The following PC variants were observed in gnomAD, a reference collection of about 807,000 sequenced individuals.
PC encodes the protein pyruvate carboxylase.
In PC, 46 loss-of-function variants were observed where a neutral mutation model predicts 107.8. That is an observed-to-expected ratio of 0.43 (90% CI 0.34 to 0.55). The LOEUF is 0.55. Ranked by LOEUF, PC falls within the 20% of genes least tolerant of loss-of-function variation. PC has a pLI of 0.04. For missense variants in PC, 1,241 were observed against 1,643.1 expected, an observed-to-expected ratio of 0.76 and a Z score of 4.23; for synonymous variants, 662 against 684.7, an observed-to-expected ratio of 0.97 and a Z score of 0.52.
intron 12 of PC, among the ~76,000 whole-genome samples, chr11:66,853,994 C>T (rs1478213759): frequency 6.6e-6 from 1 of 152,254 alleles, no homozygotes; most frequent in East Asian, 1.9e-4. Context: ...GTTCACCCCT[C>T]GCATAAGTTC....
Position 66,871,271 on chromosome 11 carries a change from T to G in PC, c.487+44A>C, listed in dbSNP as rs1201403747. On this transcript the variant is annotated intron_variant, in intron 6 of 22. Coordinates refer to ENST00000393960, the MANE Select transcript of PC (RefSeq NM_001040716.2). The surrounding 1 kb of genome is among the most constrained non-coding windows in gnomAD (Gnocchi z 7.4). The stretch of plus-strand genomic sequence containing the variant: ...TGCCACCCCTCCCTGCTGGACCCTC[T>G]CCAGGAGCTGCGGGGCCACCCCTTG... 1 of 1,613,910 alleles carries G rather than the reference T, an allele frequency of 6.2e-7. No individual in the cohort carries two copies. The highest frequency in any genetic ancestry group is 2.2e-5 in the East Asian group (1 of 44,882).
At chr11:66,903,825 C>CATTT (rs1412048392) in intron 3 of PC, among the ~76,000 whole-genome samples, 1 of 133,644 alleles carries the variant, frequency 7.5e-6, no homozygotes, top group African/African-American at 2.8e-5. Context: ...CACATATATA[C>CATTT]ATTTTTTTTT....
At chr11:66,929,100 A>G (rs1948786091) in intron 3 of PC, among the ~76,000 whole-genome samples, 1 of 152,160 alleles carries the variant, frequency 6.6e-6, no homozygotes, top group African/African-American at 2.4e-5. Context: ...TTTAAACCAG[A>G]AGAGGCTGAC....
Position 66,852,898 on chromosome 11 carries a change from G to GT in PC, c.1514-63dup, listed in dbSNP as rs1454690174. On this transcript the variant is annotated intron_variant, in intron 13 of 22. Coordinates refer to ENST00000393960, the MANE Select transcript of PC (RefSeq NM_001040716.2). The surrounding 1 kb of genome is among the most constrained non-coding windows in gnomAD (Gnocchi z 4.7). ...GGCAGAGGCTGAGTCGAGGGCAGCA[G>GT]TGAGAGTGGCTGGGCTCAGGGACAG... is the stretch of plus-strand genomic sequence containing the variant. 1.8e-5 allele frequency: 22 copies of GT among 1,255,006 alleles called. No homozygotes were observed. Among genetic ancestry groups the GT allele is most frequent in the African/African-American group, 3.0e-5 (2 of 67,078 alleles). 77.7% of individuals were successfully genotyped at this position (1,255,006 alleles called of 1,614,324 possible). A position where few individuals can be genotyped will look rare whatever the true frequency, so the allele number is the denominator to read the frequency against.
intron 3 of PC, among the ~76,000 whole-genome samples, chr11:66,901,173 G>A (rs1947943939): frequency 6.6e-6 from 1 of 152,156 alleles, no homozygotes; most frequent in Non-Finnish European, 1.5e-5. Flanking sequence ...CTACCTGGTT[G>A]GCGGCCTCCC....
chr11:66,904,345 CA>C (rs1206342333), intron 3 of PC, among the ~76,000 whole-genome samples: 1 of 152,094 alleles, frequency 6.6e-6, no homozygotes, highest in Non-Finnish European at 1.5e-5. Context: ...CCTCAAGAGA[CA>C]AGCATTCTAA....
chr11:66,870,570 G>A lies in PC; in HGVS notation c.752-117C>T. 7.0e-6 allele frequency: 9 copies of A among 1,282,182 alleles called. No individual in the cohort carries two copies. The highest frequency in any genetic ancestry group is 4.9e-5 in the South Asian group (4 of 82,098). The allele number at this position is 1,282,182 out of a possible 1,614,324, so 79.4% of individuals were successfully genotyped here. On this transcript the variant is annotated intron_variant, in intron 8 of 22. Transcript: ENST00000393960. This position sits in a 1 kb window ranked among gnomAD's most constrained non-coding sequence, Gnocchi z 6.1. Reference sequence around the variant, plus strand: ...CAGTGCCGGCTGCCAGCGGTACAGAGGCTGCCAGGAGAGACACCAGCATCA... The same window carrying A: ...CAGTGCCGGCTGCCAGCGGTACAGAAGCTGCCAGGAGAGACACCAGCATCA...
At chr11:66,910,419 A>G (rs1373568224) in intron 3 of PC, among the ~76,000 whole-genome samples, 1 of 152,194 alleles carries the variant, frequency 6.6e-6, no homozygotes, top group Non-Finnish European at 1.5e-5. Context: ...ATCTAGCCAC[A>G]CATACATTGA....
In PC at chr11:66,946,804, T is replaced by G. The variant is rs1024282995; in HGVS notation, c.-1+5626A>C. 2.0e-5 allele frequency among the ~76,000 whole-genome samples: 3 copies of G among 152,060 alleles called. No homozygotes were observed. In the South Asian group the frequency reaches 6.2e-4, roughly 32 times the overall value. ...ACCCTGTCTCAAAACAAAAAACATG[T>G]AACTGAGTAGTTAGTTTAGACGTGT... is the stretch of plus-strand genomic sequence containing the variant. On this transcript the variant is annotated intron_variant, in intron 3 of 22. Transcript: ENST00000393960.
At chr11:66,869,178 G>T (rs1399515109) in intron 9 of PC, among the ~76,000 whole-genome samples, 2 of 152,112 alleles carry the variant, frequency 1.3e-5, no homozygotes, top group Non-Finnish European at 2.9e-5. Context: ...AGGCTCCAGG[G>T]TTCCCGGAGC....
chr11:66,957,109 A>G (rs1949580575), intron 1 of PC, among the ~76,000 whole-genome samples: 1 of 152,234 alleles, frequency 6.6e-6, no homozygotes, highest in African/African-American at 2.4e-5. Context: ...CCCCAGCACA[A>G]GTGTTTGCAT....
At chr11:66,949,018 G>C (rs933461148) in intron 3 of PC, among the ~76,000 whole-genome samples, 12 of 151,186 alleles carry the variant, frequency 7.9e-5, no homozygotes, top group African/African-American at 2.7e-4. Flanking sequence ...TTTTGAGATG[G>C]AGTCTTGCTG....
chr11:66,933,721 A>G (rs1006834436), intron 3 of PC, among the ~76,000 whole-genome samples: 1 of 151,952 alleles, frequency 6.6e-6, no homozygotes, highest in Non-Finnish European at 1.5e-5. Flanking sequence ...CTCCACTTGC[A>G]TCATTCCGGA....
At chr11:66,859,197 A>T in intron 12 of PC, 1 of 1,327,810 alleles carries the variant, frequency 7.5e-7, no homozygotes. Context: ...TGGGGCTGAC[A>T]CCCCCTCCCC....
intron 3 of PC, among the ~76,000 whole-genome samples, chr11:66,937,780 G>GTTTT (rs113916680): frequency 2.2e-5 from 3 of 137,278 alleles, no homozygotes; most frequent in African/African-American, 8.0e-5. Context: ...GGTTTTTTTT[G>GTTTT]TTTTTTTTTT....
chr11:66,886,851 C>A (rs895182921), intron 3 of PC, among the ~76,000 whole-genome samples: 1 of 152,144 alleles, frequency 6.6e-6, no homozygotes, highest in African/African-American at 2.4e-5. Context: ...GGGAGTCATC[C>A]CAGCCCGCTC....
intron 3 of PC, among the ~76,000 whole-genome samples, chr11:66,911,508 G>A (rs1948332925): frequency 6.6e-6 from 1 of 151,944 alleles, no homozygotes; most frequent in Non-Finnish European, 1.5e-5. Context: ...AGGAGTTCGA[G>A]GCTGCAGTGA....
chr11:66,871,712 A>G lies in PC; in HGVS notation c.296T>C (p.Ile99Thr). ...GLAPVQAYLH[I>T]PDIIKVAKEN... ...CTTGGCCACCTTGATGATGTCTGGG[A>G]TGTGCAGGTAGGCCTGCACGGGGGC... Residue 99 changes from isoleucine (I) to threonine (T), a missense_variant, in exon 5 of 23, where the codon ATC (isoleucine) becomes ACC (threonine). Physicochemically the swap from Ile to Thr is moderately conservative, Grantham distance 89 (BLOSUM62 -1). Coordinates refer to ENST00000393960, the MANE Select transcript of PC (RefSeq NM_001040716.2). This position sits in a 1 kb window ranked among gnomAD's most constrained non-coding sequence, Gnocchi z 7.4. 6.4e-7 allele frequency: 1 copy of G among 1,570,288 alleles called. No homozygotes were observed. Among genetic ancestry groups the G allele is most frequent in the Non-Finnish European group, 8.6e-7 (1 of 1,157,810 alleles).
chr11:66,909,819 C>A (rs1323747960), intron 3 of PC, among the ~76,000 whole-genome samples: 1 of 151,788 alleles, frequency 6.6e-6, no homozygotes, highest in African/African-American at 2.4e-5. Context: ...AGAGGACCGG[C>A]GGGAAGGGAA....
Sources: allele counts gnomAD v4.1 joint callset (sites outside exome capture counted in the v4.1 genomes callset), GRCh38; gene constraint gnomAD v4.1.1; non-coding constraint Gnocchi (gnomAD v3.1); transcripts MANE v1.5; gene names NCBI Gene and HGNC (gene_info 2026-07-23, HGNC 2026-07-21).